The following ESRRG variants were observed in gnomAD, a reference collection of about 807,000 sequenced individuals.
ESRRG encodes the protein estrogen-related receptor gamma.
A neutral mutation model predicts 44.0 loss-of-function variants in ESRRG; 13 were observed. That is an observed-to-expected ratio of 0.30 (90% CI 0.19 to 0.47). The LOEUF (loss-of-function observed/expected upper bound fraction) is 0.47. Ranked by LOEUF, ESRRG falls within the 20% of genes least tolerant of loss-of-function variation. The pLI is 1.00. For synonymous variants in ESRRG, 215 were observed against 214.6 expected (o/e 1.00, Z -0.02); for missense variants, 395 against 580.6 (o/e 0.68, Z 3.29).
intron 2 of ESRRG, among the ~76,000 whole-genome samples, chr1:216,772,426 A>T (rs1327118815): frequency 6.6e-6 from 1 of 152,114 alleles, no homozygotes; most frequent in Non-Finnish European, 1.5e-5. Context: ...TCAATTCCAC[A>T]GCCTTTTAAA....
At chr1:216,887,843 A>G (rs2057239834) in intron 2 of ESRRG, among the ~76,000 whole-genome samples, 1 of 152,204 alleles carries the variant, frequency 6.6e-6, no homozygotes. Flanking sequence ...TTAAAGCCAT[A>G]AGAAGAAGCA....
intron 2 of ESRRG, among the ~76,000 whole-genome samples, chr1:216,794,773 G>A (rs1003505856): frequency 6.6e-6 from 1 of 152,180 alleles, no homozygotes. Flanking sequence ...TTTACCAAAG[G>A]GAAGTTCAAG....
At chr1:216,910,087 C>T (rs1295915593) in intron 2 of ESRRG, among the ~76,000 whole-genome samples, 2 of 151,856 alleles carry the variant, frequency 1.3e-5, no homozygotes, top group Admixed American at 6.6e-5. Context: ...TAATACTAAC[C>T]TTACAGTGTT....
chr1:216,742,925 T>C (rs2090937981), intron 2 of ESRRG, among the ~76,000 whole-genome samples: 1 of 152,158 alleles, frequency 6.6e-6, no homozygotes, highest in Non-Finnish European at 1.5e-5. Flanking sequence ...CAACCTTCCC[T>C]GATCAAGGCA....
At chr1:216,807,554 T>C (rs2094835736) in intron 2 of ESRRG, among the ~76,000 whole-genome samples, 1 of 152,130 alleles carries the variant, frequency 6.6e-6, no homozygotes, top group Admixed American at 6.6e-5. Flanking sequence ...TTTTTTCTTT[T>C]GGAATATGGG....
At chr1:217,076,531 C>G (rs2091314158) in intron 1 of ESRRG, among the ~76,000 whole-genome samples, 1 of 152,154 alleles carries the variant, frequency 6.6e-6, no homozygotes, top group Admixed American at 6.5e-5. Flanking sequence ...CCTCGTAGAA[C>G]TCAGAAAATA....
intron 2 of ESRRG, among the ~76,000 whole-genome samples, chr1:216,766,453 C>T (rs2093081383): frequency 6.6e-6 from 1 of 151,972 alleles, no homozygotes; most frequent in Non-Finnish European, 1.5e-5. Flanking sequence ...ATTCTCACAG[C>T]CCCAGTCCAA....
chr1:216,983,342 T>C (rs971485576), intron 1 of ESRRG, among the ~76,000 whole-genome samples: 9 of 151,658 alleles, frequency 5.9e-5, no homozygotes, highest in African/African-American at 2.2e-4. Context: ...AGTGATCCTC[T>C]GACCTCAGCC....
intron 3 of ESRRG, among the ~76,000 whole-genome samples, chr1:216,604,906 T>C (rs2059723145): frequency 6.6e-6 from 1 of 152,218 alleles, no homozygotes; most frequent in Non-Finnish European, 1.5e-5. Flanking sequence ...GTAGGATGAA[T>C]TATCTTTGAA....
chr1:216,882,528 AG>A (rs2096461810), intron 2 of ESRRG, among the ~76,000 whole-genome samples: 1 of 152,238 alleles, frequency 6.6e-6, no homozygotes, highest in South Asian at 2.1e-4. Context: ...ACTGTGTCCC[AG>A]TAAGACCATC....
chr1:216,978,702 C>T (rs1560340054), intron 1 of ESRRG, among the ~76,000 whole-genome samples: 1 of 152,140 alleles, frequency 6.6e-6, no homozygotes, highest in Non-Finnish European at 1.5e-5. Context: ...AGAGCCATCT[C>T]TATGCAAGTA....
chr1:216,693,285 A>T (rs1232528417), intron 1 of ESRRG, among the ~76,000 whole-genome samples: 1 of 152,170 alleles, frequency 6.6e-6, no homozygotes, highest in Admixed American at 6.5e-5. Context: ...TAATTAAAAA[A>T]ATTTTTTATG....
intron 1 of ESRRG, among the ~76,000 whole-genome samples, chr1:217,037,457 A>T (rs757648267): frequency 6.6e-6 from 1 of 152,162 alleles, no homozygotes; most frequent in Non-Finnish European, 1.5e-5. Context: ...AAACCATCAG[A>T]TCACATGAGA....
intron 1 of ESRRG, among the ~76,000 whole-genome samples, chr1:216,945,552 T>C (rs977754945): frequency 3.9e-5 from 6 of 152,224 alleles, no homozygotes; most frequent in Admixed American, 2.6e-4. Flanking sequence ...TTATTTATTA[T>C]TTTCTACAGT....
At chr1:216,885,936 T>C (rs1231360837) in intron 2 of ESRRG, among the ~76,000 whole-genome samples, 2 of 152,028 alleles carry the variant, frequency 1.3e-5, no homozygotes, top group Non-Finnish European at 2.9e-5. Flanking sequence ...CCTACAAAAA[T>C]CCCTTCTTAG....
intron 1 of ESRRG, among the ~76,000 whole-genome samples, chr1:217,030,117 C>T (rs1288209391): frequency 3.9e-5 from 6 of 152,142 alleles, no homozygotes; most frequent in African/African-American, 1.2e-4. Flanking sequence ...GCAGTGCCTA[C>T]ACAGAGATTC....
intron 1 of ESRRG, among the ~76,000 whole-genome samples, chr1:217,059,289 T>C (rs2087841947): frequency 2.0e-5 from 3 of 151,708 alleles, no homozygotes; most frequent in Admixed American, 2.0e-4. Context: ...ATAGTGTAAC[T>C]ATAGTATATA....
intron 1 of ESRRG, among the ~76,000 whole-genome samples, chr1:216,699,960 ATATGACCTG>A (rs559421052): frequency 7.5e-4 from 115 of 152,340 alleles, no homozygotes; most frequent in Non-Finnish European, 1.4e-3. Flanking sequence ...CAGAAAAGGT[ATATGACCTG>A]CATTTTTTAA....
At chr1:216,777,019 G>A (rs145695828) in intron 2 of ESRRG, among the ~76,000 whole-genome samples, 31 of 152,236 alleles carry the variant, frequency 2.0e-4, no homozygotes, top group African/African-American at 6.0e-4. Context: ...ACCTTTTGAA[G>A]TGTATCTATC....
Sources: allele counts gnomAD v4.1 joint callset (sites outside exome capture counted in the v4.1 genomes callset), GRCh38; gene constraint gnomAD v4.1.1; transcripts MANE v1.5; gene names NCBI Gene and HGNC (gene_info 2026-07-23, HGNC 2026-07-21).